TESC: variants seen among roughly 807,000 people sequenced by gnomAD.
TESC encodes the protein calcineurin B homologous protein 3.
A neutral mutation model predicts 31.0 loss-of-function variants in TESC; 19 were observed. That is an observed-to-expected ratio of 0.61 (90% CI 0.43 to 0.90). The LOEUF (loss-of-function observed/expected upper bound fraction) is 0.90, where lower values mean the gene tolerates loss of function less well. Among genes scored for constraint, TESC ranks in the 40% least tolerant of loss-of-function variants. TESC has a pLI of 0.00. For synonymous variants in TESC, 109 were observed against 114.8 expected, an observed-to-expected ratio of 0.95 and a Z score of 0.32; for missense variants, 248 against 303.8, an observed-to-expected ratio of 0.82 and a Z score of 1.36.
chr12:117,069,061 G>A (rs1460812603), intron 2 of TESC, among the ~76,000 whole-genome samples: 5 of 151,332 alleles, frequency 3.3e-5, no homozygotes, highest in Non-Finnish European at 5.9e-5. Flanking sequence ...CCGAATGGTA[G>A]GTGGCTAATG....
intron 3 of TESC, among the ~76,000 whole-genome samples, chr12:117,052,977 T>C (rs1380214908): frequency 1.3e-5 from 2 of 152,012 alleles, no homozygotes; most frequent in East Asian, 1.9e-4. Flanking sequence ...TCCCACCTGG[T>C]CTCCCAGGCC....
At chr12:117,088,114 A>AT (rs1955245030) in intron 1 of TESC, among the ~76,000 whole-genome samples, 1 of 152,216 alleles carries the variant, frequency 6.6e-6, no homozygotes. Flanking sequence ...TTCTATTTGC[A>AT]TAGCCATTGG....
rs139028207 is a variant in TESC at position 117,089,993 on chromosome 12, G to A, written c.58+9232C>T. On this transcript the variant is annotated intron_variant, in intron 1 of 7. Transcript: ENST00000335209. ...AAATAGGTTTCTACAAAGAAATGTC[G>A]ATTAGACTAACAGCTGATTTCTCAA... Among the ~76,000 whole-genome samples the A allele has an allele frequency of 4.6e-5, 7 of 151,308 alleles. No individual in the cohort carries two copies. The East Asian group carries it at 7.8e-4, about 17-fold the overall frequency.
chr12:117,094,696 C>T (rs540463089), intron 1 of TESC, among the ~76,000 whole-genome samples: 50 of 152,178 alleles, frequency 3.3e-4, no homozygotes, highest in Admixed American at 3.1e-3. Context: ...AACCCCTGAA[C>T]AATAATGAGC....
intron 5 of TESC, 38 bp downstream of exon 5, chr12:117,046,739 A>G (rs1445294111): frequency 6.4e-7 from 1 of 1,554,680 alleles, no homozygotes; most frequent in Admixed American, 2.0e-5. Context: ...GGGGGAAGGC[A>G]CCAGGAGCCC....
chr12:117,042,018 A>G (rs1954491477), intron 6 of TESC, 24 bp from the exon 7 acceptor site: 6 of 1,586,218 alleles, frequency 3.8e-6, no homozygotes, highest in Non-Finnish European at 4.3e-6. Context: ...CACAGGGTGG[A>G]CAGTGAGTGG....
At chr12:117,066,580 T>G (rs1250998663) in intron 2 of TESC, among the ~76,000 whole-genome samples, 4 of 152,044 alleles carry the variant, frequency 2.6e-5, no homozygotes, top group African/African-American at 9.7e-5. Flanking sequence ...TTAGCCAGGA[T>G]GGTCTCGATC....
At chr12:117,099,146 G>A (rs575772980) in intron 1 of TESC, 79 bp downstream of exon 1, 805 of 1,401,558 alleles carry the variant, frequency 5.7e-4, no homozygotes, top group Admixed American at 7.8e-4. Context: ...CACACAGCGC[G>A]GCGGCGGGCC....
chr12:117,092,955 C>A (rs985119853), intron 1 of TESC, among the ~76,000 whole-genome samples: 4 of 152,216 alleles, frequency 2.6e-5, no homozygotes, highest in Non-Finnish European at 5.9e-5. Flanking sequence ...CATCCTATTT[C>A]ATGGGGTTCA....
intron 2 of TESC, among the ~76,000 whole-genome samples, chr12:117,073,046 C>G (rs113080323): frequency 1.0e-3 from 159 of 152,338 alleles, no homozygotes; most frequent in African/African-American, 3.8e-3. Context: ...TGTTTTCCAG[C>G]ATCCAGTGTC....
At chr12:117,059,178 A>AAAACAGATG (rs1325198216) in intron 2 of TESC, among the ~76,000 whole-genome samples, 1 of 152,248 alleles carries the variant, frequency 6.6e-6, no homozygotes, top group African/African-American at 2.4e-5. Context: ...AGGAGGAGGC[A>AAAACAGATG]AAACAGATGC....
chr12:117,099,098 G>T, intron 1 of TESC, 127 bp downstream of exon 1: 1 of 1,018,780 alleles, frequency 9.8e-7, no homozygotes, highest in Non-Finnish European at 1.3e-6. Flanking sequence ...AAGAGGAGGA[G>T]ACTGAGGCGC....
At chr12:117,099,033 T>C (rs1391007833) in intron 1 of TESC, among the ~76,000 whole-genome samples, 192 bp downstream of exon 1, 2 of 152,144 alleles carry the variant, frequency 1.3e-5, no homozygotes, top group African/African-American at 4.8e-5. Context: ...GCACTGAGCA[T>C]CGCCGCGGAG....
chr12:117,065,058 GC>G (rs1224221166), intron 2 of TESC, among the ~76,000 whole-genome samples: 1 of 152,234 alleles, frequency 6.6e-6, no homozygotes, highest in Non-Finnish European at 1.5e-5. Flanking sequence ...TGTGGCAGGG[GC>G]CCAACCGTGC....
At chr12:117,069,818 A>C (rs1233021471) in intron 2 of TESC, among the ~76,000 whole-genome samples, 1 of 152,248 alleles carries the variant, frequency 6.6e-6, no homozygotes, top group Non-Finnish European at 1.5e-5. Context: ...TAAACTTCTA[A>C]GTGCAACTTA....
intron 2 of TESC, among the ~76,000 whole-genome samples, chr12:117,062,559 G>A (rs1342771528): frequency 6.6e-6 from 1 of 152,208 alleles, no homozygotes; most frequent in Non-Finnish European, 1.5e-5. Context: ...GAGGCAGAGA[G>A]ATGAAGCCAC....
intron 1 of TESC, among the ~76,000 whole-genome samples, chr12:117,091,220 C>G (rs1474234576): frequency 6.6e-6 from 1 of 152,160 alleles, no homozygotes; most frequent in African/African-American, 2.4e-5. Flanking sequence ...GTGCCCAGGC[C>G]CTCACCCTGT....
intron 1 of TESC, among the ~76,000 whole-genome samples, chr12:117,075,924 T>TATATAC (rs1955064271): frequency 1.5e-5 from 1 of 65,016 alleles, no homozygotes; most frequent in Non-Finnish European, 2.8e-5. Context: ...TGTGTGTGTG[T>TATATAC]ATATATATAT....
At chr12:117,042,097 G>A (rs1954492817) in intron 6 of TESC, 103 bp from the exon 7 acceptor site, 3 of 1,184,102 alleles carry the variant, frequency 2.5e-6, no homozygotes, top group South Asian at 1.4e-5. Flanking sequence ...ATACCCAAAT[G>A]TAAGTTGTTG....
Sources: allele counts gnomAD v4.1 joint callset (sites outside exome capture counted in the v4.1 genomes callset), GRCh38; gene constraint gnomAD v4.1.1; transcripts MANE v1.5; gene names NCBI Gene and HGNC (gene_info 2026-07-23, HGNC 2026-07-21).